CES5A: variants seen among roughly 807,000 people sequenced by gnomAD.
The protein encoded by CES5A is carboxylesterase 5A.
A neutral mutation model predicts 62.9 loss-of-function variants in CES5A; 67 were observed. The observed-to-expected ratio is 1.07, with a 90% CI of 0.88 to 1.31. CES5A has a LOEUF of 1.31. CES5A is among the 50% of genes most tolerant of loss of function. The pLI, the probability that CES5A is intolerant of heterozygous loss-of-function variation, is 0.00. For missense variants in CES5A, 748 were observed against 708.5 expected, an observed-to-expected ratio of 1.06 and a Z score of -0.63; for synonymous variants, 296 against 280.8, an observed-to-expected ratio of 1.05 and a Z score of -0.54.
chr16:55,912,937 G>A (rs969327719), intron 1 of CES5A, among the ~76,000 whole-genome samples: 1 of 152,132 alleles, frequency 6.6e-6, no homozygotes, highest in Non-Finnish European at 1.5e-5. Context: ...CTACCCACAG[G>A]CAGTTTTATC....
At position 55,849,520 on chromosome 16, in the gene CES5A, A is replaced by G. The variant is rs113543187; in HGVS notation, c.1423+104T>C. Reference sequence around the variant, plus strand: ...GAAAGGTTGTGTCCGCCTATAAACCACAGAGGTAATTAAATGCCAACCCCG... The same window carrying G: ...GAAAGGTTGTGTCCGCCTATAAACCGCAGAGGTAATTAAATGCCAACCCCG... On this transcript the variant is annotated intron_variant, in intron 11 of 12. Transcript: ENST00000290567. The G allele has an allele frequency of 6.8e-5, 84 of 1,242,372 alleles. 1 individual carries two copies. In the East Asian group the frequency reaches 1.2e-3, roughly 17 times the overall value. The allele number at this position is 1,242,372 out of a possible 1,614,324, so 77.0% of individuals were successfully genotyped here.
At chr16:55,926,437 A>G (rs572398716), upstream of CES5A, among the ~76,000 whole-genome samples, 25 of 152,352 alleles carry the variant, frequency 1.6e-4, no homozygotes, top group African/African-American at 6.0e-4. Flanking sequence ...AATGTCAGCC[A>G]TTTAGTCCAT....
chr16:55,917,598 C>CT (rs1465138485), intron 1 of CES5A, among the ~76,000 whole-genome samples: 5 of 152,308 alleles, frequency 3.3e-5, no homozygotes, highest in African/African-American at 1.2e-4. Flanking sequence ...TCTCAGGCAG[C>CT]TAACAGAGGG....
chr16:55,949,517 G>A (rs2034532180), intron 2 of CES5A, among the ~76,000 whole-genome samples: 2 of 152,318 alleles, frequency 1.3e-5, no homozygotes, highest in South Asian at 4.1e-4. Context: ...CCTCATGCCA[G>A]ACACAAAGAA....
chr16:55,893,856 A>G (rs1382465947), intron 1 of CES5A, among the ~76,000 whole-genome samples: 1 of 152,170 alleles, frequency 6.6e-6, no homozygotes, highest in Non-Finnish European at 1.5e-5. Context: ...ATCAAACTGC[A>G]TATCTGAGAA....
chr16:55,926,957 A>G (rs2034263651), upstream of CES5A, among the ~76,000 whole-genome samples: 1 of 152,206 alleles, frequency 6.6e-6, no homozygotes, highest in Non-Finnish European at 1.5e-5. Flanking sequence ...CTCTTCTGTT[A>G]CAATTCTTCA....
At chr16:55,899,581 G>T (rs1199370677) in intron 1 of CES5A, among the ~76,000 whole-genome samples, 1 of 152,190 alleles carries the variant, frequency 6.6e-6, no homozygotes, top group East Asian at 1.9e-4. Context: ...GTGGATCTAG[G>T]TAACATTCCT....
chr16:55,880,204 C>T (rs2033746799), upstream of CES5A, among the ~76,000 whole-genome samples: 1 of 152,188 alleles, frequency 6.6e-6, no homozygotes, highest in Non-Finnish European at 1.5e-5. Flanking sequence ...TCCCCTTGCA[C>T]TGACAGCATA....
chr16:55,955,541 T>C (rs1312487134), intron 1 of CES5A, among the ~76,000 whole-genome samples: 1 of 152,176 alleles, frequency 6.6e-6, no homozygotes, highest in African/African-American at 2.4e-5. Flanking sequence ...TTACCCACAA[T>C]AAATTTCACT....
chr16:55,890,801 A>T (rs1323812400), intron 1 of CES5A, among the ~76,000 whole-genome samples: 2 of 152,168 alleles, frequency 1.3e-5, no homozygotes, highest in African/African-American at 4.8e-5. Flanking sequence ...GTCTTAGTTA[A>T]TTTAGAGAGT....
At chr16:55,930,005 G>T (rs1193667968), upstream of CES5A, among the ~76,000 whole-genome samples, 1 of 151,990 alleles carries the variant, frequency 6.6e-6, no homozygotes, top group African/African-American at 2.4e-5. Context: ...ATATTGTCAG[G>T]GCAAACTCTA....
chr16:55,859,567 A>G lies in CES5A; in HGVS notation c.1036T>C (p.Cys346Arg). The G allele has an allele frequency of 5.6e-6, 9 of 1,613,124 alleles. No homozygotes were observed. The highest frequency in any genetic ancestry group is 7.6e-6 in the Non-Finnish European group (9 of 1,179,834). ...PSIIGVNNHE[C>R]GFLLPMKEAP... ...CTTACCATAGGCAGCAGGAAGCCACACTCGTGGTTATTGACTCCGATGATG... is the reference window on the plus strand; with the variant it reads ...CTTACCATAGGCAGCAGGAAGCCACGCTCGTGGTTATTGACTCCGATGATG... Residue 346 changes from cysteine (C) to arginine (R), a missense_variant, in exon 8 of 13, where the codon TGT (cysteine) becomes CGT (arginine). Transcript: ENST00000290567.
upstream of CES5A, among the ~76,000 whole-genome samples, chr16:55,929,495 C>T (rs1014319517): frequency 6.6e-6 from 1 of 152,176 alleles, no homozygotes; most frequent in Non-Finnish European, 1.5e-5. Flanking sequence ...CACACTGGCC[C>T]CTCTGCGCCT....
intron 1 of CES5A, among the ~76,000 whole-genome samples, chr16:55,911,839 C>T (rs562339317): frequency 1.3e-5 from 2 of 152,296 alleles, no homozygotes; most frequent in African/African-American, 2.4e-5. Context: ...TATGAAGCCT[C>T]CTCTGAGCCA....
intron 3 of CES5A, among the ~76,000 whole-genome samples, chr16:55,871,200 C>T (rs769207450): frequency 3.3e-5 from 5 of 152,050 alleles, no homozygotes; most frequent in African/African-American, 4.8e-5. Flanking sequence ...CTTACTGACA[C>T]GGGGATATTT....
chr16:55,883,527 C>T (rs1459215649), intron 1 of CES5A, among the ~76,000 whole-genome samples: 2 of 152,196 alleles, frequency 1.3e-5, no homozygotes, highest in Non-Finnish European at 2.9e-5. Flanking sequence ...CCCATCTCGG[C>T]CTCACAGAGT....
intron 1 of CES5A, among the ~76,000 whole-genome samples, chr16:55,952,183 A>G (rs2034564442): frequency 6.6e-6 from 1 of 152,184 alleles, no homozygotes; most frequent in African/African-American, 2.4e-5. Flanking sequence ...TACTTTGAAA[A>G]TAACTCTTAG....
At chr16:55,942,495 G>A (rs1369618793) in intron 2 of CES5A, among the ~76,000 whole-genome samples, 2 of 152,208 alleles carry the variant, frequency 1.3e-5, no homozygotes, top group African/African-American at 4.8e-5. Context: ...ACTACAGTGA[G>A]ACACCGTTTT....
chr16:55,947,629 G>A (rs1597162782), intron 2 of CES5A, among the ~76,000 whole-genome samples: 1 of 152,070 alleles, frequency 6.6e-6, no homozygotes, highest in East Asian at 1.9e-4. Flanking sequence ...CCAAAGTTGG[G>A]GTTGTAGGGA....
Sources: gnomAD v4.1 joint callset for allele counts (sites outside exome capture counted in the v4.1 genomes callset) on GRCh38, gnomAD v4.1.1 for gene constraint, MANE v1.5 for transcripts, NCBI Gene and HGNC (gene_info 2026-07-23, HGNC 2026-07-21) for gene names.